WFDC1: variants seen among roughly 807,000 people sequenced by gnomAD.
WFDC1 encodes the protein WAP four-disulfide core domain 1, also known as WAP four-disulfide core domain protein 1.
In WFDC1, 39 loss-of-function variants were observed where a neutral mutation model predicts 32.9. That is an observed-to-expected ratio of 1.19 (90% CI 0.92 to 1.55). The LOEUF is 1.55. WFDC1 is among the 40% of genes most tolerant of loss of function. The pLI, the probability that WFDC1 is intolerant of heterozygous loss-of-function variation, is 0.00. For synonymous variants in WFDC1, 184 were observed against 137.4 expected (o/e 1.34, Z -2.37); for missense variants, 386 against 309.5 (o/e 1.25, Z -1.85).
intron 4 of WFDC1, among the ~76,000 whole-genome samples, chr16:84,320,870 T>TG (rs1298208483): frequency 6.6e-6 from 1 of 151,696 alleles, no homozygotes; most frequent in East Asian, 1.9e-4. Context: ...AAAACCTCTT[T>TG]TTTTTTCTGA....
chr16:84,325,880 A>T (rs1908563174), intron 5 of WFDC1: 1 of 151,132 alleles, frequency 6.6e-6, no homozygotes, highest in African/African-American at 2.4e-5. Context: ...CTGCCCATTC[A>T]TCCATTCATG....
intron 1 of WFDC1, among the ~76,000 whole-genome samples, chr16:84,296,734 G>A (rs527393475): frequency 3.0e-4 from 45 of 152,190 alleles, no homozygotes; most frequent in Non-Finnish European, 6.0e-4. Flanking sequence ...ATGTGAGATG[G>A]TGTAGTCACC....
intron 5 of WFDC1, among the ~76,000 whole-genome samples, chr16:84,325,366 A>G (rs936025643): frequency 3.3e-5 from 5 of 151,912 alleles, no homozygotes; most frequent in African/African-American, 4.8e-5. Context: ...CCATACCTGG[A>G]TAATTTTTGT....
At chr16:84,302,512 C>T (rs923707496) in intron 1 of WFDC1, among the ~76,000 whole-genome samples, 17 of 152,068 alleles carry the variant, frequency 1.1e-4, no homozygotes, top group African/African-American at 2.9e-4. Flanking sequence ...TGTCCGCTCA[C>T]GGTGCCCACT....
At chr16:84,300,645 G>C (rs1439407510) in intron 1 of WFDC1, among the ~76,000 whole-genome samples, 1 of 152,208 alleles carries the variant, frequency 6.6e-6, no homozygotes, top group Non-Finnish European at 1.5e-5. Context: ...GAGGTGGGTG[G>C]TTCCTTAATA....
At chr16:84,328,541 G>A (rs1284560352) in intron 6 of WFDC1, 2 of 152,258 alleles carry the variant, frequency 1.3e-5, no homozygotes, top group Non-Finnish European at 2.9e-5. Context: ...GACAGGAGCC[G>A]TCCCTGGAGT....
chr16:84,313,268 G>A (rs1271827766), intron 2 of WFDC1, 115 bp downstream of exon 2: 4 of 1,035,636 alleles, frequency 3.9e-6, no homozygotes, highest in Non-Finnish European at 5.0e-6. Flanking sequence ...GGCGGGTCTC[G>A]GGCGCCTCCA....
At chr16:84,326,108 TCC>T (rs1567665835) in intron 5 of WFDC1, 6 of 2,940 alleles carry the variant, frequency 2.0e-3, no homozygotes, top group African/African-American at 2.7e-3. Flanking sequence ...CACCCATCTA[TCC>T]ATCCATCCAT....
intron 1 of WFDC1, chr16:84,295,453 T>C: frequency 2.1e-6 from 1 of 472,872 alleles, no homozygotes. Flanking sequence ...TCCGTCTCCC[T>C]GATCAGTACC....
chr16:84,328,955 G>GA (rs79425921), intron 6 of WFDC1: 46,600 of 148,692 alleles, frequency 0.31, 8,536 homozygotes, highest in African/African-American at 0.49. Flanking sequence ...CCTGTTTCAA[G>GA]AAAAAAAAAA....
chr16:84,319,071 C>A, intron 3 of WFDC1: 1 of 314,604 alleles, frequency 3.2e-6, no homozygotes, highest in South Asian at 4.9e-5. Context: ...TGTATTTGTG[C>A]GTCTGACTTG....
chr16:84,323,000 G>T (rs1908395214), intron 4 of WFDC1, among the ~76,000 whole-genome samples: 1 of 152,132 alleles, frequency 6.6e-6, no homozygotes, highest in Non-Finnish European at 1.5e-5. Context: ...CCTGAGGAGG[G>T]GGTCCGGGGT....
At chr16:84,295,364 C>G (rs1906533411) in intron 1 of WFDC1, 1 of 506,514 alleles carries the variant, frequency 2.0e-6, no homozygotes, top group Non-Finnish European at 3.4e-6. Flanking sequence ...TCGTGCCTTA[C>G]TTTTGCCTTG....
At chr16:84,318,136 G>C (rs1378501930) in intron 2 of WFDC1, 136 bp from the exon 3 acceptor site, 1 of 758,106 alleles carries the variant, frequency 1.3e-6, no homozygotes, top group Non-Finnish European at 2.3e-6. Flanking sequence ...AAGGGTGAAG[G>C]TGTGCCAGGA....
intron 1 of WFDC1, among the ~76,000 whole-genome samples, chr16:84,296,537 G>A (rs1906607509): frequency 6.6e-6 from 1 of 152,256 alleles, no homozygotes; most frequent in Admixed American, 6.5e-5. Flanking sequence ...CTGGAGAAGA[G>A]GGAAGGGAGA....
At chr16:84,322,341 C>T (rs1293949901) in intron 4 of WFDC1, among the ~76,000 whole-genome samples, 1 of 152,122 alleles carries the variant, frequency 6.6e-6, no homozygotes, top group Non-Finnish European at 1.5e-5. Context: ...ATTTTGAATT[C>T]CAGCAACTTC....
chr16:84,312,670 C>G (rs998615304), intron 1 of WFDC1, among the ~76,000 whole-genome samples: 2 of 152,162 alleles, frequency 1.3e-5, no homozygotes, highest in Non-Finnish European at 2.9e-5. Context: ...ATCTCTCTCT[C>G]ACACCGGGTA....
At chr16:84,298,011 T>G (rs1906711727) in intron 1 of WFDC1, among the ~76,000 whole-genome samples, 1 of 152,192 alleles carries the variant, frequency 6.6e-6, no homozygotes, top group Non-Finnish European at 1.5e-5. Context: ...AGTGAGGAGA[T>G]GCTGGCTGTG....
chr16:84,303,543 C>T (rs1214350399), intron 1 of WFDC1, among the ~76,000 whole-genome samples: 2 of 151,966 alleles, frequency 1.3e-5, no homozygotes, highest in East Asian at 3.8e-4. Context: ...TGAATTCTTC[C>T]TCCAAGATGT....
Sources: allele counts gnomAD v4.1 joint callset (sites outside exome capture counted in the v4.1 genomes callset), GRCh38; gene constraint gnomAD v4.1.1; transcripts MANE v1.5; gene names NCBI Gene and HGNC (gene_info 2026-07-23, HGNC 2026-07-21).